The following ERC1 variants were observed in gnomAD, a reference collection of about 807,000 sequenced individuals.
ERC1 encodes ELKS/RAB6-interacting/CAST family member 1, also known as RAB6 interacting protein 2.
Under a neutral mutation model 132.0 loss-of-function variants are expected in ERC1, and 56 were observed. The ratio of observed to expected loss-of-function variants is 0.42; its 90% CI spans 0.34 to 0.53. The LOEUF is 0.53. ERC1 is among the 20% of genes least tolerant of loss of function. The pLI is 0.03. For missense variants in ERC1, 1,202 were observed against 1,349.9 expected (o/e 0.89, Z 1.72); for synonymous variants, 478 against 476.1 (o/e 1.00, Z -0.05).
At chr12:1,363,786 G>C (rs942797092) in intron 15 of ERC1, among the ~76,000 whole-genome samples, 1 of 151,930 alleles carries the variant, frequency 6.6e-6, no homozygotes, top group African/African-American at 2.4e-5. Flanking sequence ...GAACTCCTGG[G>C]CTCAAGTGAT....
intron 2 of ERC1, among the ~76,000 whole-genome samples, chr12:1,054,206 T>A (rs1972530546): frequency 6.6e-6 from 1 of 152,192 alleles, no homozygotes; most frequent in Non-Finnish European, 1.5e-5. Context: ...ACTATCACAA[T>A]TCTGGATTCA....
intron 18 of ERC1, among the ~76,000 whole-genome samples, chr12:1,487,750 TAGGAGGCA>T (rs2094250823): frequency 1.2e-5 from 1 of 85,346 alleles, no homozygotes; most frequent in Non-Finnish European, 2.6e-5. Flanking sequence ...AGGAGAAGGG[TAGGAGGCA>T]AGGAGGGAGG....
chr12:1,242,571 A>G (rs2075879288), intron 13 of ERC1, among the ~76,000 whole-genome samples: 1 of 152,222 alleles, frequency 6.6e-6, no homozygotes, highest in Admixed American at 6.5e-5. Context: ...TCACCTATAA[A>G]ATAACCTTTC....
At chr12:1,424,532 G>GA (rs2092546540) in intron 17 of ERC1, among the ~76,000 whole-genome samples, 1 of 151,760 alleles carries the variant, frequency 6.6e-6, no homozygotes, top group Non-Finnish European at 1.5e-5. Flanking sequence ...GAACCATTGG[G>GA]AAAAAAGCAA....
intron 12 of ERC1, among the ~76,000 whole-genome samples, chr12:1,230,494 A>G (rs1416082471): frequency 6.6e-6 from 1 of 152,226 alleles, no homozygotes; most frequent in Non-Finnish European, 1.5e-5. Context: ...TTTGTGGCCT[A>G]ACATATGTTA....
At chr12:1,262,774 C>T (rs564336170) in intron 13 of ERC1, among the ~76,000 whole-genome samples, 1 of 152,314 alleles carries the variant, frequency 6.6e-6, no homozygotes, top group South Asian at 2.1e-4. Flanking sequence ...CAGTTTTGTT[C>T]TCTCTGTTAC....
chr12:1,107,538 C>T (rs545190725), intron 4 of ERC1, among the ~76,000 whole-genome samples: 3 of 152,222 alleles, frequency 2.0e-5, no homozygotes, highest in African/African-American at 7.2e-5. Context: ...TGATAGGATC[C>T]ATCAGTCCTA....
At chr12:1,051,529 C>CA (rs35353366) in intron 2 of ERC1, among the ~76,000 whole-genome samples, 1,396 of 127,004 alleles carry the variant, frequency 0.011, 6 homozygotes, top group African/African-American at 0.025. Flanking sequence ...GTCTCTACCC[C>CA]AAAAAAAAAA....
In ERC1 at chr12:1,189,853, T is replaced by C; in HGVS notation, c.2158-6T>C. On this transcript the variant is annotated splice_region_variant and splice_polypyrimidine_tract_variant and intron_variant, in intron 11 of 18. Coordinates refer to ENST00000360905, the MANE Select transcript of ERC1 (RefSeq NM_178040.4). ...TCTGATAGGATTGAAATGCTTTTCTTTGTAGGCACATGAGGCAGCATTGGA... is the reference window on the plus strand; with the variant it reads ...TCTGATAGGATTGAAATGCTTTTCTCTGTAGGCACATGAGGCAGCATTGGA... The C allele has an allele frequency of 6.3e-7, 1 of 1,587,936 alleles. No homozygotes were observed. Among genetic ancestry groups the C allele is most frequent in the South Asian group, 1.1e-5 (1 of 88,258 alleles).
chr12:1,144,245 A>G (rs1950122516), intron 8 of ERC1, among the ~76,000 whole-genome samples: 1 of 152,262 alleles, frequency 6.6e-6, no homozygotes, highest in East Asian at 1.9e-4. Flanking sequence ...TAAAACTTAA[A>G]CTTTTTTTTA....
intron 3 of ERC1, among the ~76,000 whole-genome samples, chr12:1,094,194 T>A (rs185549755): frequency 1.0e-3 from 155 of 150,816 alleles, no homozygotes; most frequent in African/African-American, 3.6e-3. Context: ...AATTTTTGTA[T>A]TTTTAATAGA....
chr12:1,051,765 G>A (rs148644771), intron 2 of ERC1, among the ~76,000 whole-genome samples: 2 of 152,010 alleles, frequency 1.3e-5, no homozygotes, highest in Non-Finnish European at 2.9e-5. Context: ...GGGGGATGTG[G>A]GCAGGGGGAG....
At chr12:1,002,340 A>ATT (rs569633435) in intron 1 of ERC1, among the ~76,000 whole-genome samples, 395 of 131,492 alleles carry the variant, frequency 3.0e-3, no homozygotes, top group African/African-American at 9.5e-3. Flanking sequence ...TGCTTGGCTA[A>ATT]TTTTTTTTTT....
chr12:1,318,128 G>C (rs1365311252), intron 15 of ERC1, among the ~76,000 whole-genome samples: 3 of 152,118 alleles, frequency 2.0e-5, no homozygotes, highest in Admixed American at 2.0e-4. Flanking sequence ...TTTAAGATTT[G>C]TTTATCAAGG....
chr12:1,059,813 T>C (rs1287225132), intron 2 of ERC1, among the ~76,000 whole-genome samples: 1 of 152,212 alleles, frequency 6.6e-6, no homozygotes, highest in Non-Finnish European at 1.5e-5. Context: ...TCTGTACCCT[T>C]GTCTGGTTTT....
At chr12:1,028,934 G>C (rs1336732042) in intron 2 of ERC1, among the ~76,000 whole-genome samples, 1 of 151,148 alleles carries the variant, frequency 6.6e-6, no homozygotes, top group Non-Finnish European at 1.5e-5. Context: ...TTTAGAGTAG[G>C]TAACTTAAAT....
intron 4 of ERC1, 115 bp downstream of exon 4, chr12:1,104,939 G>A (rs1368077682): frequency 1.6e-6 from 1 of 630,896 alleles, no homozygotes; most frequent in East Asian, 2.7e-5. Context: ...CTTATTTGGA[G>A]ATTAAGAGTG....
rs182410441 is a variant in ERC1 at position 1,344,850 on chromosome 12, G to A, written c.2781-26983G>A. On this transcript the variant is annotated intron_variant, in intron 15 of 18. Transcript: ENST00000360905. Reference sequence around the variant, plus strand: ...GGAAGTTCAGGAAGCTGCTTGTCTAGGGTCATACAACTAGTAAGCGGCACT... The same window carrying A: ...GGAAGTTCAGGAAGCTGCTTGTCTAAGGTCATACAACTAGTAAGCGGCACT... 3.9e-4 allele frequency among the ~76,000 whole-genome samples: 60 copies of A among 152,258 alleles called. 1 individual carries two copies. The highest frequency in any genetic ancestry group is 1.3e-3 in the African/African-American group (55 of 41,546).
At chr12:1,404,731 GC>G (rs1330808034) in intron 16 of ERC1, among the ~76,000 whole-genome samples, 1 of 152,112 alleles carries the variant, frequency 6.6e-6, no homozygotes, top group East Asian at 1.9e-4. Flanking sequence ...GTACCCTCAG[GC>G]CTTTTTTACA....
Sources: allele counts gnomAD v4.1 joint callset (sites outside exome capture counted in the v4.1 genomes callset), GRCh38; gene constraint gnomAD v4.1.1; transcripts MANE v1.5; gene names NCBI Gene and HGNC (gene_info 2026-07-23, HGNC 2026-07-21).